SLC35D4: variants seen among roughly 807,000 people sequenced by gnomAD.
The protein encoded by SLC35D4 is UDP-N-acetylglucosamine transporter SLC35D4.
chr18:23,246,603 G>T, the SLC35D4 span, among the ~76,000 whole-genome samples: 2 of 151,142 alleles, frequency 1.3e-5, no homozygotes, highest in South Asian at 2.1e-4. Context: ...GTGTTAGCCA[G>T]GATGGTCTCG....
the SLC35D4 span, among the ~76,000 whole-genome samples, chr18:23,293,232 G>A: frequency 6.6e-6 from 1 of 151,970 alleles, no homozygotes; most frequent in African/African-American, 2.4e-5. Context: ...TGACAAGAGC[G>A]AAACTCCATC....
the SLC35D4 span, among the ~76,000 whole-genome samples, chr18:23,419,684 T>C: frequency 1.3e-5 from 2 of 152,262 alleles, no homozygotes; most frequent in South Asian, 4.1e-4. Context: ...TACTAGAATT[T>C]TGGAGTAGAG....
At chr18:23,354,373 T>G in the SLC35D4 span, among the ~76,000 whole-genome samples, 1 of 138,518 alleles carries the variant, frequency 7.2e-6, no homozygotes, top group African/African-American at 2.7e-5. Flanking sequence ...AAAAGAAAAT[T>G]AGCCTGATGT....
the SLC35D4 span, among the ~76,000 whole-genome samples, chr18:23,425,773 G>C: frequency 6.6e-6 from 1 of 152,196 alleles, no homozygotes; most frequent in African/African-American, 2.4e-5. Flanking sequence ...GTCTGTATAT[G>C]ATATTAACAA....
the SLC35D4 span, among the ~76,000 whole-genome samples, chr18:23,401,191 T>TAAA: frequency 6.6e-6 from 1 of 152,168 alleles, no homozygotes; most frequent in Middle Eastern, 3.4e-3. Flanking sequence ...AGACAAAGAG[T>TAAA]TTAGATAATT....
At chr18:23,318,974 G>A in the SLC35D4 span, among the ~76,000 whole-genome samples, 2 of 151,558 alleles carry the variant, frequency 1.3e-5, no homozygotes, top group East Asian at 1.9e-4. Flanking sequence ...CTCCTAAGTA[G>A]CTGGGATCAC....
chr18:23,270,183 C>T, the SLC35D4 span, among the ~76,000 whole-genome samples: 1 of 152,180 alleles, frequency 6.6e-6, no homozygotes, highest in Non-Finnish European at 1.5e-5. Context: ...CCTTGTGTCC[C>T]AGATGCTCTA....
At chr18:23,397,103 G>C in the SLC35D4 span, among the ~76,000 whole-genome samples, 12 of 152,068 alleles carry the variant, frequency 7.9e-5, no homozygotes, top group African/African-American at 2.4e-4. Flanking sequence ...GTGGGGCGGC[G>C]GGGGGAGGGT....
the SLC35D4 span, among the ~76,000 whole-genome samples, chr18:23,262,367 C>T: frequency 6.6e-6 from 1 of 152,200 alleles, no homozygotes; most frequent in African/African-American, 2.4e-5. Context: ...GTTCCCAGGG[C>T]TCACAGATAC....
At chr18:23,244,860 G>A in the SLC35D4 span, among the ~76,000 whole-genome samples, 1 of 152,246 alleles carries the variant, frequency 6.6e-6, no homozygotes, top group Non-Finnish European at 1.5e-5. Flanking sequence ...GTGGCCGAGT[G>A]TACGGCAAGC....
At chr18:23,273,435 G>A in the SLC35D4 span, among the ~76,000 whole-genome samples, 1 of 152,170 alleles carries the variant, frequency 6.6e-6, no homozygotes, top group East Asian at 1.9e-4. Context: ...ACATGGAGGT[G>A]AGAGAAGGGC....
chr18:23,304,549 T>C, the SLC35D4 span, among the ~76,000 whole-genome samples: 1 of 150,730 alleles, frequency 6.6e-6, no homozygotes, highest in East Asian at 1.9e-4. Flanking sequence ...ATATATTCTC[T>C]TTATATATAG....
chr18:23,256,016 C>T, the SLC35D4 span, among the ~76,000 whole-genome samples: 2 of 152,192 alleles, frequency 1.3e-5, no homozygotes, highest in Non-Finnish European at 2.9e-5. Context: ...CCTTGGCCTT[C>T]CTTACATGGG....
chr18:23,391,466 C>G, the SLC35D4 span, among the ~76,000 whole-genome samples: 2 of 152,156 alleles, frequency 1.3e-5, no homozygotes, highest in Non-Finnish European at 2.9e-5. Flanking sequence ...AGTCACCCAG[C>G]CTACCCTTTA....
chr18:23,373,574 G>T, the SLC35D4 span: 2 of 914,046 alleles, frequency 2.2e-6, no homozygotes, highest in Non-Finnish European at 3.4e-6. Flanking sequence ...GAGCTACCCA[G>T]CCTGCAAGAT....
At chr18:23,410,136 G>A in the SLC35D4 span, among the ~76,000 whole-genome samples, 11 of 152,164 alleles carry the variant, frequency 7.2e-5, no homozygotes, top group Admixed American at 7.2e-4. Flanking sequence ...ATATCATGGT[G>A]TTTTTGCGAT....
the SLC35D4 span, among the ~76,000 whole-genome samples, chr18:23,241,047 C>T: frequency 1.3e-5 from 2 of 152,222 alleles, no homozygotes; most frequent in Non-Finnish European, 2.9e-5. Flanking sequence ...CCATTCTTCC[C>T]ATCCCCTTCC....
chr18:23,310,858 T>G, the SLC35D4 span, among the ~76,000 whole-genome samples: 54 of 152,196 alleles, frequency 3.5e-4, no homozygotes, highest in Non-Finnish European at 6.8e-4. Context: ...TTAAGTCATT[T>G]GGTATCACTT....
the SLC35D4 span, among the ~76,000 whole-genome samples, chr18:23,390,244 T>C: frequency 6.6e-6 from 1 of 152,192 alleles, no homozygotes; most frequent in East Asian, 1.9e-4. Context: ...TCTAGATATC[T>C]GCTAAAGAGA....
Sources: gnomAD v4.1 joint callset for allele counts (sites outside exome capture counted in the v4.1 genomes callset) on GRCh38, gnomAD v4.1.1 for gene constraint, MANE v1.5 for transcripts, NCBI Gene and HGNC (gene_info 2026-07-23, HGNC 2026-07-21) for gene names.